Variants in MALT1 observed in about 807,000 individuals in gnomAD.
The protein encoded by MALT1 is mucosa-associated lymphoid tissue lymphoma translocation protein 1.
Under a neutral mutation model 85.5 loss-of-function variants are expected in MALT1, and 36 were observed. That is an observed-to-expected ratio of 0.42 (90% CI 0.32 to 0.56). MALT1 has a LOEUF of 0.56. Among genes scored for constraint, MALT1 ranks in the 20% least tolerant of loss-of-function variants. The pLI, the probability that MALT1 is intolerant of heterozygous loss-of-function variation, is 0.10. For missense variants in MALT1, 716 were observed against 981.6 expected, an observed-to-expected ratio of 0.73 and a Z score of 3.62; for synonymous variants, 359 against 361.3, an observed-to-expected ratio of 0.99 and a Z score of 0.07.
rs1489484007 is a variant in MALT1, at chr18:58,700,517, T to C, written c.575T>C (p.Val192Ala). 1 of 1,613,466 alleles carries C rather than the reference T, an allele frequency of 6.2e-7. No individual in the cohort carries two copies. The highest frequency in any genetic ancestry group is 1.1e-5 in the South Asian group (1 of 90,912). The change falls in exon 4 of 17, where the codon GTT becomes GCT. Residue 192 changes from valine (V) to alanine (A), a missense_variant. Coordinates refer to ENST00000649217, the MANE Select transcript of MALT1 (RefSeq NM_006785.4). ...VKDAGFYVCRVNNNFTFEFSQ... is the reference protein window; with the variant it reads ...VKDAGFYVCRANNNFTFEFSQ... Reference sequence around the variant, plus strand: ...GATGCAGGCTTTTATGTCTGTCGAGTTAATAACAATTTCACCTTTGAATTC... The same window carrying C: ...GATGCAGGCTTTTATGTCTGTCGAGCTAATAACAATTTCACCTTTGAATTC...
intron 11 of MALT1, 68 bp downstream of exon 11, chr18:58,733,642 C>T: frequency 8.2e-7 from 1 of 1,220,928 alleles, no homozygotes; most frequent in Non-Finnish European, 1.1e-6. Flanking sequence ...CTAGAGAAAC[C>T]TGTGAAATGC....
chr18:58,729,440 G>T, intron 10 of MALT1, among the ~76,000 whole-genome samples: 1 of 139,776 alleles, frequency 7.2e-6, no homozygotes. Context: ...AGTGAGCTGA[G>T]ATCACACCAT....
intron 2 of MALT1, among the ~76,000 whole-genome samples, chr18:58,683,208 A>G (rs780106404): frequency 5.3e-5 from 8 of 152,184 alleles, no homozygotes; most frequent in Non-Finnish European, 7.3e-5. Context: ...ATACCTAGTA[A>G]AGTCTACTTT....
chr18:58,731,626 C>T (rs1297892460), intron 10 of MALT1, among the ~76,000 whole-genome samples: 1 of 152,234 alleles, frequency 6.6e-6, no homozygotes, highest in Non-Finnish European at 1.5e-5. Flanking sequence ...CATTCCCTCT[C>T]TTAAGACCAT....
At chr18:58,698,263 C>T (rs538096531) in intron 3 of MALT1, among the ~76,000 whole-genome samples, 23 of 151,984 alleles carry the variant, frequency 1.5e-4, no homozygotes, top group African/African-American at 5.3e-4. Flanking sequence ...GACGGGGTTT[C>T]ACCATGTTGG....
intron 3 of MALT1, among the ~76,000 whole-genome samples, chr18:58,698,073 T>G (rs865854186): frequency 7.7e-5 from 6 of 78,056 alleles, no homozygotes; most frequent in Non-Finnish European, 2.0e-4. Flanking sequence ...TTTTGTTTTT[T>G]TGTTTTTTTT....
chr18:58,734,149 G>T, intron 11 of MALT1, 158 bp from the exon 12 acceptor site: 1 of 1,207,544 alleles, frequency 8.3e-7, no homozygotes, highest in Non-Finnish European at 1.1e-6. Flanking sequence ...GGGTTATTTT[G>T]GGTAGATATG....
intron 7 of MALT1, among the ~76,000 whole-genome samples, chr18:58,713,110 A>T (rs1053559080): frequency 6.6e-6 from 1 of 152,284 alleles, no homozygotes; most frequent in Admixed American, 6.5e-5. Context: ...GGCAAAAAAA[A>T]TTGCACATAA....
At chr18:58,699,449 G>A (rs553027898) in intron 3 of MALT1, among the ~76,000 whole-genome samples, 11 of 152,194 alleles carry the variant, frequency 7.2e-5, no homozygotes, top group Non-Finnish European at 1.2e-4. Flanking sequence ...AAAGGGGAGA[G>A]AGTAGAGTTC....
Position 58,748,663 on chromosome 18 carries a change from A to G in MALT1, c.*821A>G, listed in dbSNP as rs986072024. ...TCCCAAATATTTAGCATCTTCCTTG[A>G]TAATATGTATTTTCTTCTTGAATTT... On this transcript the variant is annotated 3_prime_UTR_variant, in exon 17 of 17. Transcript: ENST00000649217. 3 of 192,062 alleles carry G rather than the reference A, an allele frequency of 1.6e-5. No homozygotes were observed. Among genetic ancestry groups the G allele is most frequent in the Non-Finnish European group, 3.3e-5 (3 of 91,608 alleles). The allele number at this position is 192,062 out of a possible 1,614,324, so 11.9% of individuals were successfully genotyped here. A position where few individuals can be genotyped will look rare whatever the true frequency, so the allele number is the denominator to read the frequency against.
chr18:58,698,149 C>T (rs1292328031), intron 3 of MALT1, among the ~76,000 whole-genome samples: 1 of 150,168 alleles, frequency 6.7e-6, no homozygotes, highest in Non-Finnish European at 1.5e-5. Context: ...TCACTGCAAC[C>T]TCCACCTCCC....
intron 1 of MALT1, 43 bp downstream of exon 1, chr18:58,671,895 G>T: frequency 8.3e-7 from 1 of 1,200,628 alleles, no homozygotes; most frequent in South Asian, 4.1e-5. Flanking sequence ...GGGTCGAGCG[G>T]GGTGGGCTGC....
chr18:58,745,627 G>C, intron 15 of MALT1, 39 bp from the exon 16 acceptor site: 1 of 1,554,976 alleles, frequency 6.4e-7, no homozygotes, highest in East Asian at 2.2e-5. Flanking sequence ...GGCTTTCATT[G>C]ATTTCATTAT....
Position 58,747,821 on chromosome 18 carries a change from G to C in MALT1, c.2454G>C (p.Arg818Ser), listed in dbSNP as rs760407735. ...TDEIPFSFSD[R>S]LRISEK ...AAATACCATTTAGTTTCTCTGACAG[G>C]CTCAGAATTTCTGAAAAATGACCTC... The change falls in exon 17 of 17, where the codon AGG becomes AGC. Residue 818 changes from arginine (R) to serine (S), a missense_variant. Physicochemically the swap from Arg to Ser is moderately radical, Grantham distance 110 (BLOSUM62 -1). Coordinates refer to ENST00000649217, the MANE Select transcript of MALT1 (RefSeq NM_006785.4). 6.2e-7 allele frequency: 1 copy of C among 1,611,946 alleles called. No homozygotes were observed. The highest frequency in any genetic ancestry group is 8.5e-7 in the Non-Finnish European group (1 of 1,178,506).
chr18:58,711,827 A>T (rs2054834802), intron 7 of MALT1, among the ~76,000 whole-genome samples: 1 of 152,120 alleles, frequency 6.6e-6, no homozygotes. Context: ...TACTGTTTTC[A>T]TCCTAATATG....
At position 58,705,622 on chromosome 18, in the gene MALT1, A is replaced by G. The variant is rs539865731; in HGVS notation, c.650-3756A>G. Reference sequence around the variant, plus strand: ...AGTTTACTGAGAATGATGATTTCCAATTTCATCCATGTCCCTACAAAGGAC... The same window carrying G: ...AGTTTACTGAGAATGATGATTTCCAGTTTCATCCATGTCCCTACAAAGGAC... On this transcript the variant is annotated intron_variant, in intron 4 of 16. Coordinates refer to ENST00000649217, the MANE Select transcript of MALT1 (RefSeq NM_006785.4). Among the ~76,000 whole-genome samples the G allele has an allele frequency of 1.1e-3, 160 of 148,596 alleles. 3 individuals carry two copies. The South Asian group carries it at 0.024, about 22-fold the overall frequency.
intron 13 of MALT1, among the ~76,000 whole-genome samples, chr18:58,739,416 G>A (rs2055271111): frequency 6.6e-6 from 1 of 152,170 alleles, no homozygotes; most frequent in Non-Finnish European, 1.5e-5. Context: ...GGAATGAGAT[G>A]GAGGACAACC....
chr18:58,711,047 G>GA, intron 7 of MALT1, 94 bp downstream of exon 7: 2 of 691,748 alleles, frequency 2.9e-6, no homozygotes, highest in Non-Finnish European at 4.7e-6. Flanking sequence ...TGCAGTGATG[G>GA]AAAAAATACT....
intron 14 of MALT1, among the ~76,000 whole-genome samples, chr18:58,742,480 G>A (rs943599775): frequency 2.0e-5 from 3 of 152,206 alleles, no homozygotes; most frequent in African/African-American, 7.2e-5. Flanking sequence ...GCCAAGGCAG[G>A]TGGATCACCT....
Sources: gnomAD v4.1 joint callset for allele counts (sites outside exome capture counted in the v4.1 genomes callset) on GRCh38, gnomAD v4.1.1 for gene constraint, MANE v1.5 for transcripts, NCBI Gene and HGNC (gene_info 2026-07-23, HGNC 2026-07-21) for gene names.